Variants in PRDM7 observed in about 807,000 individuals in gnomAD.
PRDM7 encodes histone-lysine N-methyltransferase PRDM7.
PRDM7 carries 52 observed loss-of-function variants against 64.3 expected under a neutral mutation model. That is an observed-to-expected ratio of 0.81 (90% CI 0.65 to 1.02). PRDM7 has a LOEUF of 1.02. PRDM7 is among the 50% of genes least tolerant of loss of function. The pLI is 0.00. For synonymous variants in PRDM7, 192 were observed against 210.1 expected, an observed-to-expected ratio of 0.91 and a Z score of 0.74; for missense variants, 574 against 597.1, an observed-to-expected ratio of 0.96 and a Z score of 0.40.
Position 90,064,852 on chromosome 16 carries a change from G to A in PRDM7, c.352-1084C>T, listed in dbSNP as rs573012469. 8.5e-4 allele frequency among the ~76,000 whole-genome samples: 128 copies of A among 150,368 alleles called. 7 individuals are homozygous for A. The highest frequency in any genetic ancestry group is 2.8e-3 in the African/African-American group (113 of 40,208). ...TCCTGCTTCAGCCTCCCGAGTAGTT[G>A]GGATTACAGGTGTCCACCACCATGC... On this transcript the variant is annotated intron_variant, in intron 5 of 10. Transcript: ENST00000449207.
chr16:90,073,791 TC>T (rs755233942), intron 4 of PRDM7, among the ~76,000 whole-genome samples: 1 of 151,512 alleles, frequency 6.6e-6, no homozygotes, highest in Admixed American at 6.6e-5. Context: ...CACTTTTTTT[TC>T]CCCCCGAGAC....
In PRDM7 at chr16:90,062,165, A is replaced by G; in HGVS notation, c.638T>C (p.Ile213Thr). 1.9e-6 allele frequency: 3 copies of G among 1,614,266 alleles called. No individual in the cohort carries two copies. The highest frequency in any genetic ancestry group is 2.5e-6 in the Non-Finnish European group (3 of 1,180,048). ...LYCEMCQNFF[I>T]DSCAAHGPPT... Reference sequence around the variant, plus strand: ...GGGCCCATGAGCAGCACAGCTGTCAATGAAGAAGTTCTGACACATCTCACA... The same window carrying G: ...GGGCCCATGAGCAGCACAGCTGTCAGTGAAGAAGTTCTGACACATCTCACA... Residue 213 changes from isoleucine (I) to threonine (T), a missense_variant, in exon 8 of 11, where the codon ATT becomes ACT. Physicochemically the swap from Ile to Thr is moderately conservative, Grantham distance 89. Coordinates refer to ENST00000449207, the MANE Select transcript of PRDM7 (RefSeq NM_001098173.2).
Position 90,075,951 on chromosome 16 carries a change from T to C in PRDM7, c.-41A>G, listed in dbSNP as rs752785053. 59 of 1,600,978 alleles carry C rather than the reference T, an allele frequency of 3.7e-5. 1 individual carries two copies. The highest frequency in any genetic ancestry group is 4.8e-5 in the Non-Finnish European group (56 of 1,171,956). Reference sequence around the variant, plus strand: ...TAGAAGGCCCTGCTCCAATTCTGAGTGTGGGAAGGGCCCCTGAGTCTCCCA... The same window carrying C: ...TAGAAGGCCCTGCTCCAATTCTGAGCGTGGGAAGGGCCCCTGAGTCTCCCA... On this transcript the variant is annotated 5_prime_UTR_variant, in exon 2 of 11. Coordinates refer to ENST00000449207, the MANE Select transcript of PRDM7 (RefSeq NM_001098173.2). This position sits in a 1 kb window ranked among gnomAD's most constrained non-coding sequence, Gnocchi z 4.3.
intron 5 of PRDM7, among the ~76,000 whole-genome samples, chr16:90,065,393 GAAAA>G (rs35014946): frequency 1.1e-5 from 1 of 92,766 alleles, no homozygotes. Flanking sequence ...AACTCTGTCT[GAAAA>G]AAAAAAAAAA....
chr16:90,075,418 T>G lies in PRDM7; in HGVS notation c.126A>C (p.Glu42Asp), dbSNP rs1277395548. ...SIYFTKEEWA[E>D]MGDWEKTRYR... is the part of the protein sequence containing the mutation. ...AGCGAGTTTTCTCCCAGTCTCCCATTTCTGCCCATTCTTCCTTGGTGAAGT... is the reference window on the plus strand; with the variant it reads ...AGCGAGTTTTCTCCCAGTCTCCCATGTCTGCCCATTCTTCCTTGGTGAAGT... Residue 42 changes from glutamate (E) to aspartate (D), a missense_variant, in exon 3 of 11, where the codon GAA becomes GAC. Transcript: ENST00000449207. This position sits in a 1 kb window ranked among gnomAD's most constrained non-coding sequence, Gnocchi z 4.3. The G allele has an allele frequency of 6.2e-7, 1 of 1,614,232 alleles. No individual in the cohort carries two copies. Among genetic ancestry groups the G allele is most frequent in the Non-Finnish European group, 8.5e-7 (1 of 1,180,034 alleles).
At position 90,075,032 on chromosome 16, in the gene PRDM7, A is replaced by G. The variant is rs750220925; in HGVS notation, c.194-9T>C. 6.2e-7 allele frequency: 1 copy of G among 1,614,130 alleles called. No individual in the cohort carries two copies. Among genetic ancestry groups the G allele is most frequent in the Non-Finnish European group, 8.5e-7 (1 of 1,180,022 alleles). ...TCGAGTGGCTCTGAGACCTGAAAAG[A>G]AGCAAAAAATTTTGCTCTGAAACGG... On this transcript the variant is annotated splice_polypyrimidine_tract_variant and intron_variant, in intron 3 of 10. Transcript: ENST00000449207. This position sits in a 1 kb window ranked among gnomAD's most constrained non-coding sequence, Gnocchi z 4.3.
In PRDM7 at chr16:90,071,887, T is replaced by C. The variant is rs184369785; in HGVS notation, c.301+3029A>G. On this transcript the variant is annotated intron_variant, in intron 4 of 10. Coordinates refer to ENST00000449207, the MANE Select transcript of PRDM7 (RefSeq NM_001098173.2). ...GATCCAGAAATTCCACTTCTGGGTA[T>C]ATAATATATTAAAAAGAATTAAAGG... Among the ~76,000 whole-genome samples, 620 of 152,222 alleles carry C rather than the reference T, an allele frequency of 4.1e-3. 1 individual carries two copies. Among genetic ancestry groups the C allele is most frequent in the South Asian group, 9.1e-3 (44 of 4,824 alleles).
chr16:90,062,586 C>T (rs2037801588), intron 6 of PRDM7, 84 bp from the exon 7 acceptor site: 1 of 1,198,032 alleles, frequency 8.3e-7, no homozygotes, highest in Non-Finnish European at 1.2e-6. Flanking sequence ...AATCTCCTAC[C>T]ATCAAATTAG....
Position 90,058,036 on chromosome 16 carries a change from CCT to C in PRDM7, c.*251_*252del. 6.2e-6 allele frequency: 10 copies of C among 1,611,480 alleles called. No individual in the cohort carries two copies. The highest frequency in any genetic ancestry group is 2.2e-5 in the South Asian group (2 of 91,048). ...CTCTCTGCAGACGTAGGGCTTCCCCCCTGTGTGTGTCCTTTGGTGTGTAATAA... is the reference window on the plus strand; with the variant it reads ...CTCTCTGCAGACGTAGGGCTTCCCCCGTGTGTGTCCTTTGGTGTGTAATAA... On this transcript the variant is annotated 3_prime_UTR_variant, in exon 11 of 11. Coordinates refer to ENST00000449207, the MANE Select transcript of PRDM7 (RefSeq NM_001098173.2).
Position 90,076,118 on chromosome 16 carries a change from G to A in PRDM7, c.-85-123C>T, listed in dbSNP as rs1597696036. ...AAGACTGGGTTCCTGGTGAGGTCTC[G>A]AGCACCCCAGGGAGGTCTGGGGGTA... On this transcript the variant is annotated intron_variant, in intron 1 of 10. Transcript: ENST00000449207. 8 of 613,360 alleles carry A rather than the reference G, an allele frequency of 1.3e-5. No individual in the cohort carries two copies. In the Admixed American group the frequency reaches 1.5e-4, roughly 11 times the overall value. 38.0% of individuals were successfully genotyped at this position (613,360 alleles called of 1,614,324 possible).
Position 90,066,739 on chromosome 16 carries a change from C to A in PRDM7, c.351+122G>T. The A allele has an allele frequency of 7.1e-6, 6 of 844,790 alleles. No homozygotes were observed. In the South Asian group the frequency reaches 8.4e-5, roughly 12 times the overall value. The allele number at this position is 844,790 out of a possible 1,614,324, so 52.3% of individuals were successfully genotyped here. ...AAAATAATGATGATGGCAGACACTGCGCTAAAGAGATCAGGAGAGGAAGGC... is the reference window on the plus strand; with the variant it reads ...AAAATAATGATGATGGCAGACACTGAGCTAAAGAGATCAGGAGAGGAAGGC... On this transcript the variant is annotated intron_variant, in intron 5 of 10. Coordinates refer to ENST00000449207, the MANE Select transcript of PRDM7 (RefSeq NM_001098173.2).
chr16:90,059,068 A>G lies in PRDM7; in HGVS notation c.1234-534T>C, dbSNP rs1300350109. On this transcript the variant is annotated intron_variant, in intron 10 of 10. Coordinates refer to ENST00000449207, the MANE Select transcript of PRDM7 (RefSeq NM_001098173.2). Reference sequence around the variant, plus strand: ...CCTGGAGATCCACAAATGTGGTTAAAGAGATGTGTTAGCAAATCTGAATTT... The same window carrying G: ...CCTGGAGATCCACAAATGTGGTTAAGGAGATGTGTTAGCAAATCTGAATTT... Among the ~76,000 whole-genome samples, 3 of 152,212 alleles carry G rather than the reference A, an allele frequency of 2.0e-5. No homozygotes were observed. The East Asian group carries it at 5.8e-4, about 29-fold the overall frequency.
intron 4 of PRDM7, among the ~76,000 whole-genome samples, chr16:90,072,462 GT>G (rs1241218734): frequency 6.6e-6 from 1 of 152,210 alleles, no homozygotes; most frequent in Non-Finnish European, 1.5e-5. Flanking sequence ...ATTCTGCTAA[GT>G]GATTAAATCA....
At position 90,060,486 on chromosome 16, in the gene PRDM7, T is replaced by C. The variant is rs1374562766; in HGVS notation, c.1088A>G (p.Gln363Arg). ...LLVWSGDEYG[Q>R]ELGIRSSIEP... ...TATAGAAGATCTGATGCCCAGTTCC[T>C]GGCCATACTCATCCCCAGACCAGAC... Residue 363 changes from glutamine to arginine, a missense_variant, in exon 10 of 11, where the codon CAG (glutamine) becomes CGG (arginine). Transcript: ENST00000449207. 1 of 1,613,792 alleles carries C rather than the reference T, an allele frequency of 6.2e-7. No individual in the cohort carries two copies. Among genetic ancestry groups the C allele is most frequent in the Non-Finnish European group, 8.5e-7 (1 of 1,179,848 alleles).
chr16:90,069,384 G>T (rs2037924761), intron 4 of PRDM7, among the ~76,000 whole-genome samples: 1 of 151,138 alleles, frequency 6.6e-6, no homozygotes. Flanking sequence ...TGAAATGTAA[G>T]GTCTATAAGT....
chr16:90,058,088 G>T lies in PRDM7; in HGVS notation c.*201C>A, dbSNP rs544585086. The stretch of plus-strand genomic sequence containing the variant: ...ACATCTGACTTATCACTGAAACCTT[G>T]CCCACACTCTCCATATTTGACTTTC... On this transcript the variant is annotated 3_prime_UTR_variant, in exon 11 of 11. Transcript: ENST00000449207. 1.1e-5 allele frequency: 18 copies of T among 1,613,666 alleles called. 3 individuals carry two copies. Among genetic ancestry groups the T allele is most frequent in the African/African-American group, 8.0e-5 (6 of 74,984 alleles).
In PRDM7 at chr16:90,075,565, G is replaced by A. The variant is rs1567881764; in HGVS notation, c.70-91C>T. 6.3e-7 allele frequency: 1 copy of A among 1,595,274 alleles called. No homozygotes were observed. The highest frequency in any genetic ancestry group is 1.7e-4 in the Middle Eastern group (1 of 6,024). On this transcript the variant is annotated intron_variant, in intron 2 of 10. Coordinates refer to ENST00000449207, the MANE Select transcript of PRDM7 (RefSeq NM_001098173.2). This position sits in a 1 kb window ranked among gnomAD's most constrained non-coding sequence, Gnocchi z 4.3. Reference sequence around the variant, plus strand: ...CCCTGCGTGTAGGGCATAGCCTGGGGCCTCTGGGAGTCTCTGTGAAACATA... The same window carrying A: ...CCCTGCGTGTAGGGCATAGCCTGGGACCTCTGGGAGTCTCTGTGAAACATA...
intron 10 of PRDM7, among the ~76,000 whole-genome samples, chr16:90,059,033 G>T (rs867442071): frequency 6.6e-6 from 1 of 152,132 alleles, no homozygotes; most frequent in Non-Finnish European, 1.5e-5. Flanking sequence ...GATCTATTAG[G>T]AGCACTCAGC....
chr16:90,072,943 C>G (rs1012187255), intron 4 of PRDM7, among the ~76,000 whole-genome samples: 1 of 152,154 alleles, frequency 6.6e-6, no homozygotes, highest in African/African-American at 2.4e-5. Context: ...ATGGGGAAAT[C>G]GTAGACCCAA....
Sources: gnomAD v4.1 joint callset for allele counts (sites outside exome capture counted in the v4.1 genomes callset) on GRCh38, gnomAD v4.1.1 for gene constraint, Gnocchi (gnomAD v3.1) non-coding constraint, MANE v1.5 for transcripts, NCBI Gene and HGNC (gene_info 2026-07-23, HGNC 2026-07-21) for gene names.